Variants in B4GALNT3 observed in about 807,000 individuals in gnomAD.
B4GALNT3 encodes the protein beta-1,4-N-acetylgalactosaminyltransferase 3.
In B4GALNT3, 86 loss-of-function variants were observed where a neutral mutation model predicts 120.2. The ratio of observed to expected loss-of-function variants is 0.72; its 90% CI spans 0.60 to 0.86. The LOEUF is 0.86. B4GALNT3 is among the 40% of genes least tolerant of loss of function. The pLI is 0.00. For missense variants in B4GALNT3, 1,167 were observed against 1,298.9 expected, an observed-to-expected ratio of 0.90 and a Z score of 1.56; for synonymous variants, 518 against 510.4, an observed-to-expected ratio of 1.01 and a Z score of -0.20.
chr12:525,243 G>A (rs1946750258), intron 1 of B4GALNT3, among the ~76,000 whole-genome samples: 1 of 152,018 alleles, frequency 6.6e-6, no homozygotes, highest in Admixed American at 6.6e-5. Flanking sequence ...CGAATAGCTG[G>A]GATTACAGGT....
At chr12:540,020 G>A (rs748245672) in intron 3 of B4GALNT3, among the ~76,000 whole-genome samples, 32 of 152,186 alleles carry the variant, frequency 2.1e-4, no homozygotes, top group Non-Finnish European at 3.8e-4. Flanking sequence ...GTGTTCCTCC[G>A]GGGGAGGCCC....
intron 1 of B4GALNT3, among the ~76,000 whole-genome samples, chr12:520,967 TC>T (rs2120619976): frequency 6.6e-6 from 1 of 152,328 alleles, no homozygotes; most frequent in African/African-American, 2.4e-5. Context: ...CTGTAAAGTT[TC>T]TTAAGTATTG....
In B4GALNT3 at chr12:511,311, TCCGCCTTCTGCCTTCCACCTTCCACCTTC is replaced by T. The variant is rs1411104203; in HGVS notation, c.170-23853_170-23825del. Reference sequence around the variant, plus strand: ...ACCTTCGACCTTCCACCTTCCACCTTCCGCCTTCTGCCTTCCACCTTCCACCTTCCTTCCACCTTCCACCTTCCACCTTC... The same window carrying T: ...ACCTTCGACCTTCCACCTTCCACCTTCTTCCACCTTCCACCTTCCACCTTC... On this transcript the variant is annotated intron_variant, in intron 1 of 19. Transcript: ENST00000266383. Among the ~76,000 whole-genome samples the T allele has an allele frequency of 6.1e-3, 702 of 114,276 alleles. 80 individuals are homozygous for T. The highest frequency in any genetic ancestry group is 7.3e-3 in the Non-Finnish European group (403 of 54,952). 75.0% of individuals were successfully genotyped at this position (114,276 alleles called of 152,430 possible). A position where few individuals can be genotyped will look rare whatever the true frequency, so the allele number is the denominator to read the frequency against.
chr12:463,713 G>A (rs2159362), intron 1 of B4GALNT3, among the ~76,000 whole-genome samples: 135,072 of 152,254 alleles, frequency 0.89, 60,463 homozygotes, highest in East Asian at 1. Flanking sequence ...ATTTTGGGAC[G>A]TTTTGAAGAG....
At chr12:480,938 T>G (rs891916018) in intron 1 of B4GALNT3, among the ~76,000 whole-genome samples, 6 of 152,218 alleles carry the variant, frequency 3.9e-5, no homozygotes, top group African/African-American at 1.4e-4. Context: ...CAGCCTTGCC[T>G]CTATCTCTCC....
At chr12:519,262 A>G (rs1452260886) in intron 1 of B4GALNT3, among the ~76,000 whole-genome samples, 1 of 152,202 alleles carries the variant, frequency 6.6e-6, no homozygotes, top group East Asian at 1.9e-4. Flanking sequence ...GGAAGGCTAA[A>G]CAGTTAATAG....
At chr12:555,604 G>A (rs563925054) in intron 14 of B4GALNT3, among the ~76,000 whole-genome samples, 1 of 152,260 alleles carries the variant, frequency 6.6e-6, no homozygotes, top group East Asian at 1.9e-4. Context: ...ATATATCTAG[G>A]AGTAGAACTT....
chr12:510,325 A>G (rs925243890), intron 1 of B4GALNT3, among the ~76,000 whole-genome samples: 4 of 152,168 alleles, frequency 2.6e-5, no homozygotes, highest in Admixed American at 2.6e-4. Context: ...CAGTGGAATA[A>G]GAAGACTATT....
intron 3 of B4GALNT3, among the ~76,000 whole-genome samples, chr12:543,787 G>A (rs1340695243): frequency 7.8e-6 from 1 of 128,904 alleles, no homozygotes; most frequent in East Asian, 2.3e-4. Context: ...AGCTGGGGCA[G>A]GCATGGGGTG....
intron 13 of B4GALNT3, 72 bp from the exon 14 acceptor site, chr12:553,122 C>T: frequency 6.4e-7 from 1 of 1,566,118 alleles, no homozygotes; most frequent in South Asian, 1.2e-5. Flanking sequence ...TATGATCATC[C>T]TCTGTCTTGT....
chr12:527,162 G>A (rs1172221711), intron 1 of B4GALNT3, among the ~76,000 whole-genome samples: 7 of 151,954 alleles, frequency 4.6e-5, no homozygotes, highest in Admixed American at 2.0e-4. Context: ...TCTTGAACTC[G>A]AGCAATCCTT....
chr12:524,961 T>G (rs1592041150), intron 1 of B4GALNT3, among the ~76,000 whole-genome samples: 1 of 119,042 alleles, frequency 8.4e-6, no homozygotes, highest in Admixed American at 7.8e-5. Context: ...GTTGAACTTG[T>G]TGGTGGGTTA....
At chr12:531,376 C>T (rs1008688843) in intron 1 of B4GALNT3, among the ~76,000 whole-genome samples, 7 of 152,092 alleles carry the variant, frequency 4.6e-5, no homozygotes, top group Admixed American at 1.3e-4. Context: ...AGGCTGAGCA[C>T]GGTGGCTCAC....
At chr12:542,979 A>T in intron 3 of B4GALNT3, 1 of 517,920 alleles carries the variant, frequency 1.9e-6, no homozygotes, top group Non-Finnish European at 3.2e-6. Context: ...CCTCAGGATC[A>T]GGGATGGGGA....
intron 11 of B4GALNT3, among the ~76,000 whole-genome samples, chr12:551,389 C>T (rs531171990): frequency 6.6e-6 from 1 of 152,352 alleles, no homozygotes; most frequent in Admixed American, 6.5e-5. Context: ...AGTGAGCCAG[C>T]AGGACTTACT....
chr12:538,885 AG>A (rs1040148890), intron 3 of B4GALNT3, among the ~76,000 whole-genome samples: 1 of 152,202 alleles, frequency 6.6e-6, no homozygotes, highest in African/African-American at 2.4e-5. Context: ...CTTGGCCAGC[AG>A]GAAGTTCCCA....
intron 1 of B4GALNT3, among the ~76,000 whole-genome samples, chr12:494,981 G>A (rs1343651969): frequency 2.0e-5 from 3 of 152,196 alleles, no homozygotes; most frequent in African/African-American, 7.2e-5. Context: ...GAGGCCTGGA[G>A]TTCTTGTTCT....
At position 549,855 on chromosome 12, in the gene B4GALNT3, G is replaced by A; in HGVS notation, c.940G>A (p.Asp314Asn). The A allele has an allele frequency of 6.2e-7, 1 of 1,613,756 alleles. No homozygotes were observed. Among genetic ancestry groups the A allele is most frequent in the South Asian group, 1.1e-5 (1 of 91,076 alleles). The change falls in exon 10 of 20, where the codon GAT (aspartate) becomes AAT (asparagine). Residue 314 changes from aspartate (D) to asparagine (N), a missense_variant. Coordinates refer to ENST00000266383, the MANE Select transcript of B4GALNT3 (RefSeq NM_173593.4). ...HVDSSNALPR[D>N]EQPPADMLRP... ...GGACTCCTCCAACGCTCTTCCCAGG[G>A]ATGAGCAGCCGCCCGCTGACATGCT...
At chr12:547,993 C>A in intron 7 of B4GALNT3, 31 bp from the exon 8 acceptor site, 1 of 1,599,726 alleles carries the variant, frequency 6.3e-7, no homozygotes, top group Middle Eastern at 1.7e-4. Flanking sequence ...ATGGAGATGG[C>A]GCTCTGCTTC....
Sources: gnomAD v4.1 joint callset for allele counts (sites outside exome capture counted in the v4.1 genomes callset) on GRCh38, gnomAD v4.1.1 for gene constraint, MANE v1.5 for transcripts, NCBI Gene and HGNC (gene_info 2026-07-23, HGNC 2026-07-21) for gene names.